The following CDH13 variants were observed in gnomAD, a reference collection of about 807,000 sequenced individuals.
CDH13 encodes the protein cadherin-13.
Under a neutral mutation model 63.8 loss-of-function variants are expected in CDH13, and 24 were observed. The ratio of observed to expected loss-of-function variants is 0.38; its 90% CI spans 0.27 to 0.53. The LOEUF is 0.53. CDH13 is among the 20% of genes least tolerant of loss of function. CDH13 has a pLI of 0.85. For missense variants in CDH13, 1,049 were observed against 903.1 expected (o/e 1.16, Z -2.07); for synonymous variants, 503 against 355.3 (o/e 1.42, Z -4.67).
chr16:83,347,696 G>A (rs2090868809), intron 6 of CDH13, among the ~76,000 whole-genome samples: 1 of 152,182 alleles, frequency 6.6e-6, no homozygotes. Context: ...ACCTGGCTGG[G>A]GAAAAGGCAC....
intron 8 of CDH13, among the ~76,000 whole-genome samples, chr16:83,628,464 T>C (rs1360169195): frequency 6.6e-6 from 1 of 152,200 alleles, no homozygotes; most frequent in East Asian, 1.9e-4. Context: ...CACTGATAAG[T>C]CACATTCCAG....
intron 1 of CDH13, among the ~76,000 whole-genome samples, chr16:82,804,907 C>G (rs549866638): frequency 6.5e-4 from 99 of 152,204 alleles, no homozygotes; most frequent in Non-Finnish European, 1.1e-3. Flanking sequence ...TTGTTTTTCA[C>G]CTTATCTAAA....
chr16:82,872,708 A>C (rs530415329), intron 2 of CDH13, among the ~76,000 whole-genome samples: 1 of 152,340 alleles, frequency 6.6e-6, no homozygotes, highest in African/African-American at 2.4e-5. Flanking sequence ...GCCAGTCAAA[A>C]TATCCCCAAG....
intron 1 of CDH13, among the ~76,000 whole-genome samples, chr16:82,803,007 G>T (rs963378886): frequency 6.6e-6 from 1 of 152,186 alleles, no homozygotes; most frequent in East Asian, 1.9e-4. Context: ...AACCCTGTTC[G>T]GTTTTCTTCC....
At chr16:82,695,597 A>T (rs1280844715) in intron 1 of CDH13, among the ~76,000 whole-genome samples, 1 of 152,164 alleles carries the variant, frequency 6.6e-6, no homozygotes, top group Non-Finnish European at 1.5e-5. Flanking sequence ...TGGGTTAGGT[A>T]TTCTCTGGGT....
At chr16:83,782,462 T>G (rs1288444676) in intron 12 of CDH13, among the ~76,000 whole-genome samples, 2 of 151,976 alleles carry the variant, frequency 1.3e-5, no homozygotes, top group Admixed American at 6.6e-5. Flanking sequence ...AAGGCTGGAC[T>G]CAGTGGCTCA....
At chr16:83,227,799 C>G (rs1164798810) in intron 5 of CDH13, among the ~76,000 whole-genome samples, 6 of 152,150 alleles carry the variant, frequency 3.9e-5, no homozygotes, top group Non-Finnish European at 7.3e-5. Context: ...GCAGCTCCAT[C>G]AGAAAGGGAT....
intron 3 of CDH13, among the ~76,000 whole-genome samples, chr16:83,122,317 T>C (rs1697268713): frequency 6.6e-6 from 1 of 152,226 alleles, no homozygotes; most frequent in South Asian, 2.1e-4. Context: ...ATGGTGTCAT[T>C]AGGTCTCCAG....
chr16:83,315,086 T>A (rs542792012), intron 5 of CDH13, among the ~76,000 whole-genome samples: 117 of 152,192 alleles, frequency 7.7e-4, no homozygotes, highest in Non-Finnish European at 1.5e-3. Flanking sequence ...TAGTGAGGAA[T>A]AACAGAGTTA....
At chr16:83,729,227 G>C (rs920612323) in intron 10 of CDH13, among the ~76,000 whole-genome samples, 1 of 152,040 alleles carries the variant, frequency 6.6e-6, no homozygotes, top group African/African-American at 2.4e-5. Context: ...TTATTTATGT[G>C]CATATACATC....
In CDH13 at chr16:82,779,627, C is replaced by G. The variant is rs1478822383; in HGVS notation, c.46-78735C>G. On this transcript the variant is annotated intron_variant, in intron 1 of 13. Coordinates refer to ENST00000567109, the MANE Select transcript of CDH13 (RefSeq NM_001257.5). ...AACCAGAAGAAAGATTTAAACAAAC[C>G]TCATAATTTACCTGTAACCGACAGC... Among the ~76,000 whole-genome samples the G allele has an allele frequency of 2.6e-5, 4 of 152,260 alleles. No homozygotes were observed. The East Asian group carries it at 5.8e-4, about 22-fold the overall frequency.
intron 6 of CDH13, among the ~76,000 whole-genome samples, chr16:83,365,496 A>T (rs75620104): frequency 0.084 from 12,832 of 152,296 alleles, 746 homozygotes; most frequent in Non-Finnish European, 0.13. Context: ...AAAATTAATC[A>T]TCCAACTGTT....
intron 9 of CDH13, among the ~76,000 whole-genome samples, chr16:83,671,679 A>G (rs1462563292): frequency 6.6e-6 from 1 of 152,210 alleles, no homozygotes; most frequent in Non-Finnish European, 1.5e-5. Context: ...TGACTTCTTA[A>G]TCTTCCTTAG....
At chr16:82,652,628 AGCTGCTGCTGCT>A (rs35661989) in intron 1 of CDH13, among the ~76,000 whole-genome samples, 32 of 149,298 alleles carry the variant, frequency 2.1e-4, no homozygotes, top group Non-Finnish European at 3.0e-4. Context: ...AGATATTGGA[AGCTGCTGCTGCT>A]GCTGCTGCTG....
intron 2 of CDH13, among the ~76,000 whole-genome samples, chr16:83,013,308 C>A (rs952593962): frequency 4.6e-5 from 7 of 152,144 alleles, no homozygotes; most frequent in Admixed American, 4.6e-4. Flanking sequence ...GTTGTAGATT[C>A]CAGACTCCTG....
intron 5 of CDH13, among the ~76,000 whole-genome samples, chr16:83,295,047 A>T (rs1280777276): frequency 1.3e-5 from 2 of 152,170 alleles, no homozygotes; most frequent in African/African-American, 4.8e-5. Flanking sequence ...AGACCAATTG[A>T]ACAGAATAGA....
In CDH13 at chr16:82,647,043, T is replaced by G. The variant is rs969347669; in HGVS notation, c.45+19906T>G. On this transcript the variant is annotated intron_variant, in intron 1 of 13. Transcript: ENST00000567109. ...TAGTGCAGTGCCTCGCAGTACACCA[T>G]GACAGTTAAGAGCCCAGGCCTCGAG... Among the ~76,000 whole-genome samples the G allele has an allele frequency of 7.2e-5, 11 of 152,158 alleles. 1 individual carries two copies. The highest frequency in any genetic ancestry group is 1.2e-4 in the African/African-American group (5 of 41,430).
chr16:83,205,892 G>A (rs113808750), intron 4 of CDH13, among the ~76,000 whole-genome samples: 5,737 of 152,094 alleles, frequency 0.038, 327 homozygotes, highest in African/African-American at 0.13. Context: ...TGTGAGCCAC[G>A]GTGCCCGGCC....
In CDH13 at chr16:82,896,948, T is replaced by C. The variant is rs147631823; in HGVS notation, c.157+38475T>C. Among the ~76,000 whole-genome samples, 396 of 151,696 alleles carry C rather than the reference T, an allele frequency of 2.6e-3. 3 individuals are homozygous for C. The highest frequency in any genetic ancestry group is 9.3e-3 in the African/African-American group (383 of 41,342). On this transcript the variant is annotated intron_variant, in intron 2 of 13. Coordinates refer to ENST00000567109, the MANE Select transcript of CDH13 (RefSeq NM_001257.5). The stretch of plus-strand genomic sequence containing the variant: ...GGTGCCCGCCATCACGCCCAGCTAA[T>C]TTTTTTGTATTTTTAGTAGAGATGG...
Sources: allele counts gnomAD v4.1 joint callset (sites outside exome capture counted in the v4.1 genomes callset), GRCh38; gene constraint gnomAD v4.1.1; transcripts MANE v1.5; gene names NCBI Gene and HGNC (gene_info 2026-07-23, HGNC 2026-07-21).